The following LARGE1 variants were observed in gnomAD, a reference collection of about 807,000 sequenced individuals.
LARGE1 encodes the protein LARGE xylosyl- and glucuronyltransferase 1.
LARGE1 carries 43 observed loss-of-function variants against 87.6 expected under a neutral mutation model. The observed-to-expected ratio is 0.49, with a 90% confidence interval of 0.38 to 0.63. LARGE1 has a LOEUF of 0.63. Ranked by LOEUF, LARGE1 falls within the 30% of genes least tolerant of loss-of-function variation. The pLI is 0.00. For synonymous variants in LARGE1, 434 were observed against 394.6 expected (o/e 1.10, Z -1.18); for missense variants, 802 against 1,000.2 (o/e 0.80, Z 2.67).
At position 33,467,602 on chromosome 22, in the gene LARGE1, C is replaced by T. The variant is rs2068668311; in HGVS notation, c.788-35337G>A. On this transcript the variant is annotated intron_variant, in intron 6 of 14. Coordinates refer to ENST00000397394, the MANE Select transcript of LARGE1 (RefSeq NM_133642.5). Reference sequence around the variant, plus strand: ...TCCATCCTTTGGAATAGAGCATCGCCCATAATGAATTCTGAACAGCATCAC... The same window carrying T: ...TCCATCCTTTGGAATAGAGCATCGCTCATAATGAATTCTGAACAGCATCAC... Among the ~76,000 whole-genome samples the T allele has an allele frequency of 2.0e-5, 3 of 152,272 alleles. No individual in the cohort carries two copies. The South Asian group carries it at 6.2e-4, about 32-fold the overall frequency.
intron 7 of LARGE1, among the ~76,000 whole-genome samples, chr22:33,410,995 C>A (rs988591165): frequency 2.0e-5 from 3 of 152,162 alleles, no homozygotes; most frequent in African/African-American, 7.2e-5. Context: ...TGAATGATGG[C>A]CAGATTATTT....
downstream of LARGE1, among the ~76,000 whole-genome samples, chr22:33,158,102 CAT>C (rs1921924430): frequency 1.3e-5 from 2 of 151,830 alleles, no homozygotes; most frequent in Non-Finnish European, 2.9e-5. Context: ...GTGTGTAAAA[CAT>C]GTCAAAAATA....
At chr22:33,538,162 C>T (rs539719221) in intron 6 of LARGE1, among the ~76,000 whole-genome samples, 44 of 152,328 alleles carry the variant, frequency 2.9e-4, no homozygotes, top group African/African-American at 9.9e-4. Flanking sequence ...TGGACCCTCA[C>T]AAACTGCTGC....
At position 33,749,788 on chromosome 22, in the gene LARGE1, C is replaced by T. The variant is rs12158212; in HGVS notation, c.106+11583G>A. Among the ~76,000 whole-genome samples, 106 of 152,272 alleles carry T rather than the reference C, an allele frequency of 7.0e-4. 2 individuals carry two copies. The highest frequency in any genetic ancestry group is 2.5e-3 in the African/African-American group (102 of 41,554). On this transcript the variant is annotated intron_variant, in intron 2 of 14. Coordinates refer to ENST00000397394, the MANE Select transcript of LARGE1 (RefSeq NM_133642.5). ...ATGTCTTCTCTGTTGTCCAAGATAC[C>T]CCATTTTCACTTGTCTCAGGGTTTG...
At chr22:33,446,713 AAG>A (rs1381917069) in intron 6 of LARGE1, among the ~76,000 whole-genome samples, 1 of 152,100 alleles carries the variant, frequency 6.6e-6, no homozygotes, top group African/African-American at 2.4e-5. Flanking sequence ...AGGCCAGAGT[AAG>A]GGGATTTCTC....
chr22:33,116,751 T>C, the LARGE1 span, among the ~76,000 whole-genome samples: 1 of 152,164 alleles, frequency 6.6e-6, no homozygotes, highest in Non-Finnish European at 1.5e-5. Flanking sequence ...ACATGATTTT[T>C]AGCACGCTGT....
intron 1 of LARGE1, among the ~76,000 whole-genome samples, chr22:33,856,007 T>C: frequency 6.6e-6 from 1 of 152,164 alleles, no homozygotes; most frequent in East Asian, 1.9e-4. Context: ...ACCCCGCACC[T>C]CTGTGCTGCT....
At chr22:33,916,502 C>A (rs180841308) in intron 1 of LARGE1, among the ~76,000 whole-genome samples, 1 of 152,152 alleles carries the variant, frequency 6.6e-6, no homozygotes, top group East Asian at 1.9e-4. Flanking sequence ...ACTCTCCATA[C>A]GCCAATGTGA....
chr22:33,629,998 G>T (rs1430781913), intron 3 of LARGE1, among the ~76,000 whole-genome samples: 1 of 152,182 alleles, frequency 6.6e-6, no homozygotes, highest in African/African-American at 2.4e-5. Flanking sequence ...AAGAGTTCAA[G>T]ACCAGCCTGG....
intron 2 of LARGE1, among the ~76,000 whole-genome samples, chr22:33,736,670 G>A (rs1029498656): frequency 2.6e-5 from 4 of 152,080 alleles, no homozygotes; most frequent in African/African-American, 7.2e-5. Flanking sequence ...TCTTTTGTTG[G>A]TTGTGCTTCT....
rs147551156 is a variant in LARGE1, at chr22:33,850,233, G to A, written c.-83+69762C>T. ...CTACCACCAGCAGCAGCAATAACACGGCCTTCAAACAGGGATTTCACCTCT... is the reference window on the plus strand; with the variant it reads ...CTACCACCAGCAGCAGCAATAACACAGCCTTCAAACAGGGATTTCACCTCT... On this transcript the variant is annotated intron_variant, in intron 1 of 14. Transcript: ENST00000397394. Among the ~76,000 whole-genome samples, 731 of 151,446 alleles carry A rather than the reference G, an allele frequency of 4.8e-3. 7 individuals carry two copies. The highest frequency in any genetic ancestry group is 0.017 in the African/African-American group (702 of 40,842).
At chr22:33,432,331 T>A in intron 6 of LARGE1, 66 bp from the exon 7 acceptor site, 1 of 1,200,862 alleles carries the variant, frequency 8.3e-7, no homozygotes, top group East Asian at 2.3e-5. Flanking sequence ...CAGTGACTAT[T>A]GAAGACACAG....
At chr22:33,617,152 G>C (rs1019399185) in intron 4 of LARGE1, among the ~76,000 whole-genome samples, 1 of 152,174 alleles carries the variant, frequency 6.6e-6, no homozygotes, top group Non-Finnish European at 1.5e-5. Context: ...TGACCGGGAG[G>C]TAAGTCCAAT....
intron 11 of LARGE1, among the ~76,000 whole-genome samples, chr22:33,235,163 T>G (rs907826049): frequency 1.3e-5 from 2 of 152,150 alleles, no homozygotes; most frequent in African/African-American, 4.8e-5. Flanking sequence ...TGTTAGGAAG[T>G]TGACAATAGT....
intron 10 of LARGE1, among the ~76,000 whole-genome samples, chr22:33,317,041 C>G (rs1936240195): frequency 6.6e-6 from 1 of 152,002 alleles, no homozygotes; most frequent in African/African-American, 2.4e-5. Context: ...TGGGGAAACC[C>G]TGTCTCCACA....
At chr22:33,845,597 C>G (rs1166513676) in intron 1 of LARGE1, among the ~76,000 whole-genome samples, 1 of 152,130 alleles carries the variant, frequency 6.6e-6, no homozygotes, top group Non-Finnish European at 1.5e-5. Flanking sequence ...TGTGAGCCAC[C>G]ACGCCTGGCC....
At chr22:33,252,281 A>T (rs1230477949) in intron 11 of LARGE1, among the ~76,000 whole-genome samples, 1 of 129,446 alleles carries the variant, frequency 7.7e-6, no homozygotes, top group Non-Finnish European at 1.6e-5. Flanking sequence ...TAAACTCATT[A>T]ATATATATCT....
chr22:33,262,124 T>C (rs1165185962), intron 11 of LARGE1, among the ~76,000 whole-genome samples: 1 of 152,196 alleles, frequency 6.6e-6, no homozygotes, highest in Non-Finnish European at 1.5e-5. Flanking sequence ...ACGGGCAGGA[T>C]TTCTTCCTTT....
downstream of LARGE1, among the ~76,000 whole-genome samples, chr22:33,158,566 A>G (rs986574000): frequency 6.6e-6 from 1 of 152,216 alleles, no homozygotes; most frequent in African/African-American, 2.4e-5. Context: ...TATTTATTAC[A>G]ATACAAAAAC....
Sources: gnomAD v4.1 joint callset for allele counts (sites outside exome capture counted in the v4.1 genomes callset) on GRCh38, gnomAD v4.1.1 for gene constraint, MANE v1.5 for transcripts, NCBI Gene and HGNC (gene_info 2026-07-23, HGNC 2026-07-21) for gene names.